Variants in STAG1 observed in about 807,000 individuals in gnomAD.
The protein encoded by STAG1 is cohesin subunit SA-1.
A neutral mutation model predicts 170.9 loss-of-function variants in STAG1; 26 were observed. That is an observed-to-expected ratio of 0.15 (90% CI 0.11 to 0.21). The LOEUF is 0.21. STAG1 is among the 10% of genes least tolerant of loss of function. STAG1 has a pLI of 1.00. For synonymous variants in STAG1, 514 were observed against 497.7 expected, an observed-to-expected ratio of 1.03 and a Z score of -0.44; for missense variants, 964 against 1,509.5, an observed-to-expected ratio of 0.64 and a Z score of 5.99.
intron 21 of STAG1, among the ~76,000 whole-genome samples, chr3:136,404,046 C>T (rs1363474840): frequency 1.3e-5 from 2 of 152,184 alleles, no homozygotes; most frequent in South Asian, 2.1e-4. Context: ...TCACTCTTAG[C>T]CATTTTGATA....
At chr3:136,511,376 G>A (rs1452457059) in intron 7 of STAG1, among the ~76,000 whole-genome samples, 1 of 152,184 alleles carries the variant, frequency 6.6e-6, no homozygotes, top group Non-Finnish European at 1.5e-5. Flanking sequence ...ACTCATACTG[G>A]TAAAGACATG....
intron 1 of STAG1, among the ~76,000 whole-genome samples, chr3:136,715,340 G>A (rs1943511450): frequency 6.6e-6 from 1 of 151,548 alleles, no homozygotes; most frequent in South Asian, 2.1e-4. Flanking sequence ...AATTATTTAG[G>A]CCCGGTGCAG....
chr3:136,568,195 C>T (rs929853818), intron 5 of STAG1, among the ~76,000 whole-genome samples: 4 of 151,994 alleles, frequency 2.6e-5, no homozygotes, highest in African/African-American at 4.8e-5. Context: ...CACTTCCCCC[C>T]ATGTAATACA....
intron 22 of STAG1, among the ~76,000 whole-genome samples, chr3:136,393,914 T>C (rs140030248): frequency 3.7e-4 from 57 of 152,168 alleles, no homozygotes; most frequent in African/African-American, 1.3e-3. Context: ...GGATTTTTCT[T>C]TTTTTTGAGA....
In STAG1 at chr3:136,478,094, C is replaced by G. The variant is rs1032288394; in HGVS notation, c.903-682G>C. ...CGTGAGCCACTGTGACCGGCCAGAACTGGGAATCTTTATAAGCTAGCACAC... is the reference window on the plus strand; with the variant it reads ...CGTGAGCCACTGTGACCGGCCAGAAGTGGGAATCTTTATAAGCTAGCACAC... On this transcript the variant is annotated intron_variant, in intron 9 of 33. Transcript: ENST00000383202. 7.9e-5 allele frequency among the ~76,000 whole-genome samples: 12 copies of G among 152,204 alleles called. No individual in the cohort carries two copies. The South Asian group carries it at 1.9e-3, about 24-fold the overall frequency.
intron 1 of STAG1, among the ~76,000 whole-genome samples, chr3:136,674,821 C>A (rs1233131733): frequency 1.3e-5 from 2 of 152,124 alleles, no homozygotes; most frequent in Non-Finnish European, 2.9e-5. Context: ...TGAAGACTTG[C>A]ATAATTAGTT....
At chr3:136,500,328 C>T (rs1933396836) in intron 8 of STAG1, 32 bp from the exon 9 acceptor site, 9 of 1,417,222 alleles carry the variant, frequency 6.4e-6, no homozygotes, top group Non-Finnish European at 8.8e-6. Context: ...AAGTTGAAAT[C>T]CTGATCATTT....
intron 4 of STAG1, among the ~76,000 whole-genome samples, chr3:136,592,067 G>C (rs1938212622): frequency 6.6e-6 from 1 of 152,198 alleles, no homozygotes; most frequent in African/African-American, 2.4e-5. Context: ...AGGGAGGAAG[G>C]GAAGTTGGGG....
At chr3:136,461,190 T>A (rs1362690313) in intron 13 of STAG1, among the ~76,000 whole-genome samples, 1 of 152,034 alleles carries the variant, frequency 6.6e-6, no homozygotes, top group Non-Finnish European at 1.5e-5. Context: ...CTCAAAATAA[T>A]AAAGTCCACA....
At chr3:136,509,390 GAA>G (rs531486231) in intron 7 of STAG1, among the ~76,000 whole-genome samples, 17 of 116,950 alleles carry the variant, frequency 1.5e-4, no homozygotes, top group African/African-American at 1.9e-4. Context: ...GGACCACTTG[GAA>G]AAAAAAAAAA....
At chr3:136,340,666 G>T (rs1392203499) in intron 31 of STAG1, 61 bp from the exon 32 acceptor site, 3 of 1,087,992 alleles carry the variant, frequency 2.8e-6, no homozygotes, top group African/African-American at 3.1e-5. Context: ...AGTCCTGGCT[G>T]TTTCTCAGAT....
At chr3:136,465,177 C>A (rs2089416245) in intron 12 of STAG1, among the ~76,000 whole-genome samples, 189 bp from the exon 13 acceptor site, 1 of 150,632 alleles carries the variant, frequency 6.6e-6, no homozygotes, top group African/African-American at 2.4e-5. Flanking sequence ...TCAGAAAATA[C>A]AGATTCAACG....
rs565316231 is a variant in STAG1, at chr3:136,623,676, C to T, written c.30-428G>A. On this transcript the variant is annotated intron_variant, in intron 2 of 33. Coordinates refer to ENST00000383202, the MANE Select transcript of STAG1 (RefSeq NM_005862.3). ...AGTTATAAGTATTAAGACATACGGC[C>T]GGGCACGGTGGCTCATGCCTATAAA... Among the ~76,000 whole-genome samples the T allele has an allele frequency of 1.3e-4, 20 of 152,136 alleles. No homozygotes were observed. In the East Asian group the frequency reaches 1.7e-3, roughly 13 times the overall value.
At chr3:136,355,166 A>G (rs1936597719) in intron 28 of STAG1, among the ~76,000 whole-genome samples, 1 of 151,926 alleles carries the variant, frequency 6.6e-6, no homozygotes, top group Non-Finnish European at 1.5e-5. Flanking sequence ...CAGCCTGGCC[A>G]ACATGGTGAA....
chr3:136,476,109 T>C lies in STAG1; in HGVS notation c.1026+1180A>G, dbSNP rs970724716. Among the ~76,000 whole-genome samples, 4 of 152,246 alleles carry C rather than the reference T, an allele frequency of 2.6e-5. No homozygotes were observed. In the East Asian group the frequency reaches 7.7e-4, roughly 29 times the overall value. ...TTTGTAGGCCTGAAAATATGGCTCA[T>C]GCCCACTTGTTAGAGGATAGTATGT... On this transcript the variant is annotated intron_variant, in intron 10 of 33. Coordinates refer to ENST00000383202, the MANE Select transcript of STAG1 (RefSeq NM_005862.3).
intron 23 of STAG1, among the ~76,000 whole-genome samples, chr3:136,370,441 TG>T (rs1198083986): frequency 6.6e-6 from 1 of 152,186 alleles, no homozygotes; most frequent in Non-Finnish European, 1.5e-5. Flanking sequence ...ACATGTGCCA[TG>T]TTGGTGTGCT....
intron 22 of STAG1, among the ~76,000 whole-genome samples, chr3:136,381,501 G>C (rs926728849): frequency 3.3e-5 from 5 of 152,128 alleles, no homozygotes; most frequent in African/African-American, 1.2e-4. Flanking sequence ...ATGAAGCTGT[G>C]GGTAACCTTG....
At chr3:136,485,997 A>G (rs894656444) in intron 9 of STAG1, among the ~76,000 whole-genome samples, 4 of 152,210 alleles carry the variant, frequency 2.6e-5, no homozygotes, top group Admixed American at 2.0e-4. Context: ...CCCTGTGCAG[A>G]TATGTGGGAG....
At chr3:136,745,604 G>A (rs1161910299) in intron 1 of STAG1, among the ~76,000 whole-genome samples, 1 of 152,168 alleles carries the variant, frequency 6.6e-6, no homozygotes, top group Non-Finnish European at 1.5e-5. Flanking sequence ...GATCTGACAG[G>A]AGGTGGATGG....
Sources: gnomAD v4.1 joint callset for allele counts (sites outside exome capture counted in the v4.1 genomes callset) on GRCh38, gnomAD v4.1.1 for gene constraint, MANE v1.5 for transcripts, NCBI Gene and HGNC (gene_info 2026-07-23, HGNC 2026-07-21) for gene names.